SLC44A1: variants seen among roughly 807,000 people sequenced by gnomAD.
SLC44A1 encodes the protein solute carrier family 44 member 1.
A neutral mutation model predicts 79.3 loss-of-function variants in SLC44A1; 26 were observed. The observed-to-expected ratio is 0.33, with a 90% CI of 0.24 to 0.46. The LOEUF (loss-of-function observed/expected upper bound fraction) is 0.46, where lower values mean the gene tolerates loss of function less well. Ranked by LOEUF, SLC44A1 falls within the 20% of genes least tolerant of loss-of-function variation. The pLI, the probability that SLC44A1 is intolerant of heterozygous loss-of-function variation, is 1.00. For synonymous variants in SLC44A1, 263 were observed against 286.2 expected (o/e 0.92, Z 0.82); for missense variants, 688 against 798.1 (o/e 0.86, Z 1.66).
Position 105,393,813 on chromosome 9 carries a change from G to T in SLC44A1, c.*4757G>T, listed in dbSNP as rs1300656905. 2 of 985,058 alleles carry T rather than the reference G, an allele frequency of 2.0e-6. No homozygotes were observed. The highest frequency in any genetic ancestry group is 3.5e-5 in the African/African-American group (2 of 57,208). The allele number at this position is 985,058 out of a possible 1,614,324, so 61.0% of individuals were successfully genotyped here. On this transcript the variant is annotated 3_prime_UTR_variant, in exon 16 of 16. Transcript: ENST00000374720. ...ACCTATTAGGCTATTCTTCAGTTTTGATGCTCAGTTTTACAACTTAAATGA... is the reference window on the plus strand; with the variant it reads ...ACCTATTAGGCTATTCTTCAGTTTTTATGCTCAGTTTTACAACTTAAATGA...
intron 1 of SLC44A1, among the ~76,000 whole-genome samples, chr9:105,255,830 A>G (rs1419215844): frequency 3.3e-5 from 5 of 152,338 alleles, no homozygotes; most frequent in African/African-American, 1.2e-4. Context: ...TTCACCAGCT[A>G]TAAAATATAA....
chr9:105,396,021 T>C lies in SLC44A1; in HGVS notation c.*6965T>C. 1.0e-6 allele frequency: 1 copy of C among 985,320 alleles called. No homozygotes were observed. Among genetic ancestry groups the C allele is most frequent in the Non-Finnish European group, 1.2e-6 (1 of 829,916 alleles). 61.0% of individuals were successfully genotyped at this position (985,320 alleles called of 1,614,324 possible). On this transcript the variant is annotated 3_prime_UTR_variant, in exon 16 of 16. Transcript: ENST00000374720. ...AGTAGATTTTCCCCCATCCTCTAGG[T>C]TCCTGTAGTCTGTGCTCAGAACTTG...
At chr9:105,370,971 C>G (rs780714856) in intron 12 of SLC44A1, among the ~76,000 whole-genome samples, 4 of 152,188 alleles carry the variant, frequency 2.6e-5, no homozygotes, top group Non-Finnish European at 5.9e-5. Flanking sequence ...CTCCCAAAAA[C>G]TTGTTATGAA....
intron 15 of SLC44A1, among the ~76,000 whole-genome samples, chr9:105,409,189 A>G (rs920843805): frequency 1.3e-5 from 2 of 152,226 alleles, no homozygotes; most frequent in Non-Finnish European, 2.9e-5. Context: ...AATATCTGCA[A>G]GAGACTCAAT....
At chr9:105,362,787 TATA>T (rs1304982610) in intron 8 of SLC44A1, 31 bp from the exon 9 acceptor site, 7 of 1,477,480 alleles carry the variant, frequency 4.7e-6, no homozygotes, top group Non-Finnish European at 6.3e-6. Flanking sequence ...TTTCACTACT[TATA>T]ATAATAACTG....
At chr9:105,268,165 T>G (rs1231694792) in intron 1 of SLC44A1, among the ~76,000 whole-genome samples, 1 of 152,178 alleles carries the variant, frequency 6.6e-6, no homozygotes, top group Admixed American at 6.5e-5. Context: ...ATCTGAATGC[T>G]CTCATGCAAC....
chr9:105,343,460 A>G (rs10991633), intron 4 of SLC44A1, among the ~76,000 whole-genome samples: 3,819 of 152,334 alleles, frequency 0.025, 50 homozygotes, highest in Middle Eastern at 0.048. Context: ...ATCAGTATCA[A>G]TAGATGATCA....
At chr9:105,374,501 A>G (rs187677618) in intron 12 of SLC44A1, 97 bp from the exon 13 acceptor site, 1 of 1,208,130 alleles carries the variant, frequency 8.3e-7, no homozygotes, top group African/African-American at 1.5e-5. Flanking sequence ...GTTTGACTGA[A>G]ATATTTTTAA....
Position 105,396,305 on chromosome 9 carries a change from CTG to C in SLC44A1, c.*7250_*7251del, listed in dbSNP as rs1281039743. 1.0e-6 allele frequency: 1 copy of C among 985,022 alleles called. No individual in the cohort carries two copies. Among genetic ancestry groups the C allele is most frequent in the East Asian group, 1.1e-4 (1 of 8,822 alleles). The allele number at this position is 985,022 out of a possible 1,614,324, so 61.0% of individuals were successfully genotyped here. A position where few individuals can be genotyped will look rare whatever the true frequency, so the allele number is the denominator to read the frequency against. ...AAGAAGTTAGTTCAGTGGTTATTAA[CTG>C]ATTTTATTACAGGAGAAAAAAACTT... is the stretch of plus-strand genomic sequence containing the variant. On this transcript the variant is annotated 3_prime_UTR_variant, in exon 16 of 16. Transcript: ENST00000374720.
intron 1 of SLC44A1, among the ~76,000 whole-genome samples, chr9:105,255,307 T>C (rs1422637848): frequency 6.6e-6 from 1 of 152,154 alleles, no homozygotes; most frequent in Admixed American, 6.5e-5. Flanking sequence ...ACTTTGGTAA[T>C]AGTTAACAAA....
intron 1 of SLC44A1, among the ~76,000 whole-genome samples, chr9:105,246,466 CTATTCAGT>C (rs1371756579): frequency 6.7e-6 from 1 of 149,252 alleles, no homozygotes; most frequent in Non-Finnish European, 1.5e-5. Context: ...TTAAAGATTC[CTATTCAGT>C]TATAATAGCA....
chr9:105,297,146 GTGTT>G (rs1830745475), intron 1 of SLC44A1, among the ~76,000 whole-genome samples: 2 of 152,224 alleles, frequency 1.3e-5, no homozygotes, highest in South Asian at 4.2e-4. Flanking sequence ...TTCTGTGTGG[GTGTT>G]TGGGAACAAG....
chr9:105,337,140 G>T (rs1053320660), intron 4 of SLC44A1, among the ~76,000 whole-genome samples: 24 of 152,056 alleles, frequency 1.6e-4, no homozygotes, highest in African/African-American at 5.6e-4. Context: ...CTTAGGGAGG[G>T]GTGAGCCCTT....
intron 15 of SLC44A1, among the ~76,000 whole-genome samples, chr9:105,405,406 ATGATCAAAT>A (rs148929400): frequency 0.034 from 5,230 of 152,232 alleles, 130 homozygotes; most frequent in Middle Eastern, 0.082. Context: ...CACAAAAACG[ATGATCAAAT>A]TGACAAAAAC....
At chr9:105,428,604 A>G (rs1829352406) in intron 15 of SLC44A1, among the ~76,000 whole-genome samples, 1 of 152,376 alleles carries the variant, frequency 6.6e-6, no homozygotes, top group Non-Finnish European at 1.5e-5. Flanking sequence ...TATCCTGAGT[A>G]TGCAGAACAG....
chr9:105,281,957 G>A (rs774948120), intron 1 of SLC44A1, among the ~76,000 whole-genome samples: 1 of 152,218 alleles, frequency 6.6e-6, no homozygotes, highest in East Asian at 1.9e-4. Context: ...ATGGGGTACA[G>A]AGACTGAGGA....
At chr9:105,422,531 T>C (rs1341581037) in intron 15 of SLC44A1, among the ~76,000 whole-genome samples, 1 of 151,702 alleles carries the variant, frequency 6.6e-6, no homozygotes, top group African/African-American at 2.4e-5. Flanking sequence ...TGGTGATCTG[T>C]CCCTTCAGCC....
intron 1 of SLC44A1, among the ~76,000 whole-genome samples, chr9:105,253,996 T>C (rs939188348): frequency 2.0e-5 from 3 of 152,142 alleles, no homozygotes; most frequent in Admixed American, 6.5e-5. Context: ...GCTGGGATTA[T>C]AGGCGTGAGC....
At chr9:105,366,496 G>T in intron 12 of SLC44A1, 67 bp downstream of exon 12, 1 of 689,872 alleles carries the variant, frequency 1.4e-6, no homozygotes, top group Non-Finnish European at 2.3e-6. Flanking sequence ...CTTCTCCCAA[G>T]ATAAACTTAA....
Sources: allele counts gnomAD v4.1 joint callset (sites outside exome capture counted in the v4.1 genomes callset), GRCh38; gene constraint gnomAD v4.1.1; transcripts MANE v1.5; gene names NCBI Gene and HGNC (gene_info 2026-07-23, HGNC 2026-07-21).